The following TANC2 variants were observed in gnomAD, a reference collection of about 807,000 sequenced individuals.
TANC2 encodes the protein protein TANC2.
Under a neutral mutation model 210.5 loss-of-function variants are expected in TANC2, and 26 were observed. The ratio of observed to expected loss-of-function variants is 0.12; its 90% CI spans 0.09 to 0.17. The LOEUF (loss-of-function observed/expected upper bound fraction) is 0.17, where lower values mean the gene tolerates loss of function less well. TANC2 is among the 10% of genes least tolerant of loss of function. The probability of loss-of-function intolerance (pLI) is 1.00; values close to 1 mark genes in which losing one functional copy is unlikely to be tolerated. For synonymous variants in TANC2, 931 were observed against 967.1 expected (o/e 0.96, Z 0.69); for missense variants, 2,129 against 2,608.9 (o/e 0.82, Z 4.01).
intron 3 of TANC2, among the ~76,000 whole-genome samples, chr17:63,075,721 T>C (rs1269957049): frequency 1.3e-5 from 2 of 152,052 alleles, no homozygotes; most frequent in Admixed American, 1.3e-4. Context: ...TTTCACCATA[T>C]TGGCCAGGCT....
At chr17:63,030,024 G>C (rs1265495996) in intron 2 of TANC2, among the ~76,000 whole-genome samples, 1 of 152,112 alleles carries the variant, frequency 6.6e-6, no homozygotes, top group Admixed American at 6.6e-5. Context: ...TGCTTTGTGT[G>C]CCATGCTAAA....
intron 3 of TANC2, among the ~76,000 whole-genome samples, chr17:63,093,231 A>G (rs2037269006): frequency 1.3e-5 from 2 of 151,344 alleles, no homozygotes; most frequent in South Asian, 4.2e-4. Flanking sequence ...GTTTCTTCTA[A>G]TAGTTTTATA....
chr17:63,025,646 A>G (rs1441468608), intron 2 of TANC2, among the ~76,000 whole-genome samples: 1 of 151,934 alleles, frequency 6.6e-6, no homozygotes, highest in Non-Finnish European at 1.5e-5. Context: ...AAATAAAAAA[A>G]TTAGCTGAGT....
intron 1 of TANC2, chr17:62,978,840 A>G (rs1027484939): frequency 6.6e-6 from 1 of 152,304 alleles, no homozygotes; most frequent in African/African-American, 2.4e-5. Context: ...GGATTTGGCC[A>G]TATCTGTACT....
chr17:63,361,387 GA>G (rs1367452240), intron 14 of TANC2, among the ~76,000 whole-genome samples: 3 of 152,214 alleles, frequency 2.0e-5, no homozygotes, highest in Non-Finnish European at 2.9e-5. Flanking sequence ...GCAGTGTGTG[GA>G]CAAGAGAGCA....
chr17:63,246,933 G>A lies in TANC2; in HGVS notation c.1033+8856G>A, dbSNP rs573637059. On this transcript the variant is annotated intron_variant, in intron 8 of 27. Transcript: ENST00000689528. ...GTACTGTTTTGCATTCCCACCGGCA[G>A]TGTACAAGGATTCCTGTTTCTCTAC... Among the ~76,000 whole-genome samples the A allele has an allele frequency of 3.9e-5, 6 of 152,272 alleles. No individual in the cohort carries two copies. The South Asian group carries it at 8.3e-4, about 21-fold the overall frequency.
chr17:63,410,408 A>G (rs992450777), intron 21 of TANC2, among the ~76,000 whole-genome samples: 2 of 140,888 alleles, frequency 1.4e-5, no homozygotes, highest in Admixed American at 7.4e-5. Flanking sequence ...TAACTTTATT[A>G]GATTAAACTC....
At chr17:62,975,562 T>A (rs1043355052) in intron 1 of TANC2, among the ~76,000 whole-genome samples, 1 of 151,680 alleles carries the variant, frequency 6.6e-6, no homozygotes, top group Non-Finnish European at 1.5e-5. Flanking sequence ...TTAATTTTTT[T>A]TTTTTTTTAA....
chr17:63,073,113 T>C (rs774416577), intron 2 of TANC2, among the ~76,000 whole-genome samples: 37 of 152,242 alleles, frequency 2.4e-4, no homozygotes, highest in Non-Finnish European at 4.3e-4. Flanking sequence ...ATTTTTCATC[T>C]GATTAAAGTG....
At chr17:63,355,031 C>A (rs746170428) in exon 14 of TANC2, 1 of 1,613,896 alleles carries the variant, frequency 6.2e-7, no homozygotes, top group East Asian at 2.2e-5. Flanking sequence ...TAGAGAAAGG[C>A]TATCTAGTGT....
rs555105510 is a variant in TANC2, at chr17:63,002,645, A to G, written c.-23-6892A>G. On this transcript the variant is annotated intron_variant, in intron 1 of 27. Transcript: ENST00000689528. ...TAGAAAGGTTCCTCGTGCCATTTCT[A>G]AGTTGATCCCCATATCTACCCCCAA... is the stretch of plus-strand genomic sequence containing the variant. Among the ~76,000 whole-genome samples the G allele has an allele frequency of 1.9e-4, 29 of 152,336 alleles. No homozygotes were observed. In the South Asian group the frequency reaches 5.6e-3, roughly 29 times the overall value.
At chr17:62,990,924 G>T (rs1428228426) in intron 1 of TANC2, among the ~76,000 whole-genome samples, 1 of 152,160 alleles carries the variant, frequency 6.6e-6, no homozygotes. Flanking sequence ...TGAGGTCAGA[G>T]AATGTTCACA....
At chr17:63,396,183 C>G (rs1335104474) in intron 18 of TANC2, 3 of 403,002 alleles carry the variant, frequency 7.4e-6, no homozygotes, top group East Asian at 9.3e-5. Flanking sequence ...TGTTTTCCTC[C>G]CTGTTTAACA....
rs1280616411 is a variant in TANC2 at position 63,055,984 on chromosome 17, AAAAAAAATAT to A, written c.68-17957_68-17948del. Among the ~76,000 whole-genome samples the A allele has an allele frequency of 3.2e-3, 56 of 17,260 alleles. No individual in the cohort carries two copies. The Admixed American group carries it at 0.052, about 16-fold the overall frequency. The allele number at this position is 17,260 out of a possible 152,430, so 11.3% of individuals were successfully genotyped here. A position where few individuals can be genotyped will look rare whatever the true frequency, so the allele number is the denominator to read the frequency against. On this transcript the variant is annotated intron_variant, in intron 2 of 27. Coordinates refer to ENST00000689528, the Ensembl canonical transcript of TANC2. ...CTCTACCAAAAAAAAAAAAAAAAAA[AAAAAAAATAT>A]ATATATATATATATATATATATATA...
At chr17:63,223,358 G>C (rs2042245871) in intron 7 of TANC2, among the ~76,000 whole-genome samples, 1 of 152,174 alleles carries the variant, frequency 6.6e-6, no homozygotes, top group Non-Finnish European at 1.5e-5. Context: ...ATAGTATATA[G>C]CAAAATGGTT....
chr17:63,018,035 G>A (rs1423725175), intron 2 of TANC2, among the ~76,000 whole-genome samples: 2 of 152,010 alleles, frequency 1.3e-5, no homozygotes, highest in Non-Finnish European at 2.9e-5. Context: ...TGAGGCAGGA[G>A]AATCACTTGA....
At chr17:62,987,954 C>T (rs1000075026) in intron 1 of TANC2, among the ~76,000 whole-genome samples, 5 of 151,972 alleles carry the variant, frequency 3.3e-5, no homozygotes, top group Admixed American at 6.6e-5. Flanking sequence ...ATTAAAAAGG[C>T]ATGTTAGAAG....
chr17:63,384,402 G>A (rs1018708635), intron 15 of TANC2, among the ~76,000 whole-genome samples: 21 of 151,938 alleles, frequency 1.4e-4, no homozygotes, highest in African/African-American at 5.1e-4. Context: ...CTTACTAAGT[G>A]GTTGTGAGGA....
At chr17:62,993,552 T>A (rs535957699) in intron 1 of TANC2, among the ~76,000 whole-genome samples, 7 of 152,376 alleles carry the variant, frequency 4.6e-5, no homozygotes, top group African/African-American at 1.4e-4. Context: ...TTAATAACAA[T>A]TTTTTATTCT....
Sources: gnomAD v4.1 joint callset for allele counts (sites outside exome capture counted in the v4.1 genomes callset) on GRCh38, gnomAD v4.1.1 for gene constraint, MANE v1.5 for transcripts, NCBI Gene and HGNC (gene_info 2026-07-23, HGNC 2026-07-21) for gene names.